Variants in TTLL5 observed in about 807,000 individuals in gnomAD.
TTLL5 encodes tubulin polyglutamylase TTLL5.
TTLL5 carries 132 observed loss-of-function variants against 168.4 expected under a neutral mutation model. That is an observed-to-expected ratio of 0.78 (90% CI 0.68 to 0.91). The LOEUF (loss-of-function observed/expected upper bound fraction) is 0.91, where lower values mean the gene tolerates loss of function less well. TTLL5 is among the 40% of genes least tolerant of loss of function. The pLI is 0.00. For synonymous variants in TTLL5, 546 were observed against 558.6 expected (o/e 0.98, Z 0.32); for missense variants, 1,545 against 1,581.5 (o/e 0.98, Z 0.39).
intron 3 of TTLL5, 46 bp from the exon 4 acceptor site, chr14:75,681,499 T>A (rs1221472040): frequency 6.5e-7 from 1 of 1,530,524 alleles, no homozygotes; most frequent in Admixed American, 1.7e-5. Context: ...TTTTTGTTTT[T>A]ACAGTTAACT....
chr14:75,849,908 C>T (rs1056086052), intron 28 of TTLL5, among the ~76,000 whole-genome samples: 1 of 151,994 alleles, frequency 6.6e-6, no homozygotes, highest in Non-Finnish European at 1.5e-5. Flanking sequence ...CGAGGCCACC[C>T]TGGGCAACAG....
Position 75,919,231 on chromosome 14 carries a change from AAAAG to A in TTLL5, c.3823+17011_3823+17014del, listed in dbSNP as rs960110007. On this transcript the variant is annotated intron_variant, in intron 31 of 31. Transcript: ENST00000298832. ...AAAAAAAAAAAAAAAAGGAAAAAGA[AAAAG>A]AAAAGAAAAGCTTCCTTGTGCTCAG... 1.5e-4 allele frequency among the ~76,000 whole-genome samples: 22 copies of A among 151,288 alleles called. 1 individual carries two copies. The South Asian group carries it at 4.4e-3, about 30-fold the overall frequency.
intron 12 of TTLL5, among the ~76,000 whole-genome samples, chr14:75,722,568 G>A (rs1324329105): frequency 6.6e-6 from 1 of 152,118 alleles, no homozygotes; most frequent in Non-Finnish European, 1.5e-5. Flanking sequence ...ATAACAGCCA[G>A]TGTGTCCTTT....
At chr14:75,663,417 A>G (rs913655443) in intron 2 of TTLL5, among the ~76,000 whole-genome samples, 194 bp downstream of exon 2, 12 of 152,142 alleles carry the variant, frequency 7.9e-5, no homozygotes, top group African/African-American at 2.2e-4. Flanking sequence ...CTCAGTCCCT[A>G]TCAGCTATGA....
chr14:75,682,501 A>G (rs1485231510), intron 4 of TTLL5, among the ~76,000 whole-genome samples: 1 of 152,132 alleles, frequency 6.6e-6, no homozygotes, highest in African/African-American at 2.4e-5. Flanking sequence ...CTCAAAAATC[A>G]CATTCTGGAG....
intron 15 of TTLL5, chr14:75,744,249 T>C (rs377078573): frequency 3.3e-5 from 5 of 152,244 alleles, no homozygotes; most frequent in African/African-American, 7.2e-5. Flanking sequence ...AGATTTGTCT[T>C]ATTTTTGTCT....
At chr14:75,719,288 G>C (rs1348714691) in intron 10 of TTLL5, among the ~76,000 whole-genome samples, 1 of 152,196 alleles carries the variant, frequency 6.6e-6, no homozygotes, top group Non-Finnish European at 1.5e-5. Context: ...TCATTAGCAT[G>C]CTGCACCAGA....
chr14:75,842,360 A>G (rs1896307699), intron 28 of TTLL5, among the ~76,000 whole-genome samples: 1 of 152,018 alleles, frequency 6.6e-6, no homozygotes, highest in South Asian at 2.1e-4. Flanking sequence ...ATATTACTTC[A>G]AGGGTGTTTT....
At chr14:75,798,038 T>C (rs1176857821) in intron 27 of TTLL5, among the ~76,000 whole-genome samples, 1 of 151,976 alleles carries the variant, frequency 6.6e-6, no homozygotes, top group East Asian at 1.9e-4. Flanking sequence ...TCTTCTTGAA[T>C]GCCTGATGGA....
rs377039435 is a variant in TTLL5 at position 75,771,870 on chromosome 14, C to T, written c.2136+16C>T. Reference sequence around the variant, plus strand: ...TGAACAGATGGTAAGGCTTTTCTTACTGAAACCTTTTTACTTTCCCTTTTT... The same window carrying T: ...TGAACAGATGGTAAGGCTTTTCTTATTGAAACCTTTTTACTTTCCCTTTTT... On this transcript the variant is annotated intron_variant, in intron 21 of 31. Transcript: ENST00000298832. The T allele has an allele frequency of 1.9e-6, 3 of 1,595,938 alleles. No homozygotes were observed. The highest frequency in any genetic ancestry group is 1.8e-5 in the Admixed American group (1 of 56,154).
intron 31 of TTLL5, among the ~76,000 whole-genome samples, chr14:75,916,947 A>G (rs983455598): frequency 3.9e-5 from 6 of 152,216 alleles, no homozygotes; most frequent in African/African-American, 1.2e-4. Flanking sequence ...GACAAGTACT[A>G]TATGATTCCA....
At chr14:75,670,003 A>G (rs1175199537) in intron 3 of TTLL5, among the ~76,000 whole-genome samples, 1 of 152,178 alleles carries the variant, frequency 6.6e-6, no homozygotes, top group Admixed American at 6.5e-5. Flanking sequence ...AAATGGAGTC[A>G]TGTGATATGT....
At chr14:75,767,952 A>G (rs987474407) in intron 20 of TTLL5, among the ~76,000 whole-genome samples, 1 of 152,214 alleles carries the variant, frequency 6.6e-6, no homozygotes, top group East Asian at 1.9e-4. Context: ...TTTGGTCAAT[A>G]TAAGGAACAT....
chr14:75,709,885 T>C (rs1886942955), intron 9 of TTLL5: 1 of 150,850 alleles, frequency 6.6e-6, no homozygotes, highest in Non-Finnish European at 1.5e-5. Context: ...CCCTATATTA[T>C]TTAAAACAAA....
At chr14:75,673,119 A>AG (rs1462997406) in intron 3 of TTLL5, among the ~76,000 whole-genome samples, 1 of 151,244 alleles carries the variant, frequency 6.6e-6, no homozygotes, top group Non-Finnish European at 1.5e-5. Context: ...AAAAAAAAAA[A>AG]GCTTTTTGTA....
At chr14:75,679,924 G>A (rs1489752649) in intron 3 of TTLL5, among the ~76,000 whole-genome samples, 1 of 152,150 alleles carries the variant, frequency 6.6e-6, no homozygotes, top group Non-Finnish European at 1.5e-5. Context: ...GCTTTGCATG[G>A]TGTTCCTGCC....
At chr14:75,830,453 CA>C in intron 28 of TTLL5, among the ~76,000 whole-genome samples, 1 of 152,272 alleles carries the variant, frequency 6.6e-6, no homozygotes, top group African/African-American at 2.4e-5. Context: ...TCTCAGCACA[CA>C]CAAAAATATG....
chr14:75,894,372 T>C (rs1417386059), intron 30 of TTLL5, among the ~76,000 whole-genome samples: 1 of 152,076 alleles, frequency 6.6e-6, no homozygotes, highest in Non-Finnish European at 1.5e-5. Flanking sequence ...GCCAACATGG[T>C]GAATCCCCAT....
At chr14:75,719,616 C>A in intron 10 of TTLL5, 119 bp from the exon 11 acceptor site, 1 of 764,250 alleles carries the variant, frequency 1.3e-6, no homozygotes, top group Non-Finnish European at 2.0e-6. Context: ...AACTGGAAGT[C>A]AGCAAAGTGA....
Sources: gnomAD v4.1 joint callset for allele counts (sites outside exome capture counted in the v4.1 genomes callset) on GRCh38, gnomAD v4.1.1 for gene constraint, MANE v1.5 for transcripts, NCBI Gene and HGNC (gene_info 2026-07-23, HGNC 2026-07-21) for gene names.